The following ANKS1B variants were observed in gnomAD, a reference collection of about 807,000 sequenced individuals.
ANKS1B encodes ankyrin repeat and sterile alpha motif domain containing 1B, also known as ankyrin repeat and sterile alpha motif domain-containing protein 1B.
Under a neutral mutation model 148.3 loss-of-function variants are expected in ANKS1B, and 36 were observed. The observed-to-expected ratio is 0.24, with a 90% CI of 0.19 to 0.32. ANKS1B has a LOEUF of 0.32. ANKS1B is among the 10% of genes least tolerant of loss of function. The pLI is 1.00. For missense variants in ANKS1B, 1,157 were observed against 1,542.6 expected (o/e 0.75, Z 4.19); for synonymous variants, 542 against 560.8 (o/e 0.97, Z 0.47).
intron 8 of ANKS1B, among the ~76,000 whole-genome samples, chr12:99,723,580 C>T (rs1040948128): frequency 2.7e-4 from 41 of 152,204 alleles, no homozygotes; most frequent in African/African-American, 9.6e-4. Flanking sequence ...TCTGAGAAAT[C>T]TGGGCAGCCC....
chr12:99,971,114 G>A (rs827799), intron 1 of ANKS1B, among the ~76,000 whole-genome samples: 20,421 of 152,096 alleles, frequency 0.13, 1,789 homozygotes, highest in Non-Finnish European at 0.2. Context: ...TTGGCTCAAT[G>A]ATTAATGAGC....
At chr12:98,782,044 CA>C in intron 23 of ANKS1B, 81 bp downstream of exon 23, 8 of 1,184,968 alleles carry the variant, frequency 6.8e-6, no homozygotes, top group Non-Finnish European at 8.5e-6. Context: ...TATCATTCAT[CA>C]CCAGTCACCA....
intron 15 of ANKS1B, among the ~76,000 whole-genome samples, chr12:99,143,054 C>T (rs2071543970): frequency 6.6e-6 from 1 of 152,036 alleles, no homozygotes; most frequent in African/African-American, 2.4e-5. Context: ...TGTTTCTAGT[C>T]CTCAGATTTC....
intron 9 of ANKS1B, among the ~76,000 whole-genome samples, chr12:99,652,445 C>T (rs1208390157): frequency 1.3e-5 from 2 of 151,530 alleles, no homozygotes; most frequent in African/African-American, 4.9e-5. Context: ...TGCACTCCAG[C>T]CTGGGAAACA....
chr12:99,857,250 G>A (rs911138728), intron 1 of ANKS1B, among the ~76,000 whole-genome samples: 5 of 152,028 alleles, frequency 3.3e-5, no homozygotes, highest in African/African-American at 1.2e-4. Context: ...TTTCCAAGCT[G>A]AGAATCAAAT....
Position 99,396,703 on chromosome 12 carries a change from C to T in ANKS1B, c.1756+2928G>A, listed in dbSNP as rs1363406156. The stretch of plus-strand genomic sequence containing the variant: ...GGTCAGTTTCAGAGTGGAGAAAAGG[C>T]GCCAGGGCTTTGGGACTAGACCTAA... On this transcript the variant is annotated intron_variant, in intron 12 of 26. Transcript: ENST00000683438. 3.3e-5 allele frequency among the ~76,000 whole-genome samples: 5 copies of T among 152,010 alleles called. No individual in the cohort carries two copies. In the East Asian group the frequency reaches 7.7e-4, roughly 23 times the overall value.
chr12:99,316,982 ATG>A, intron 12 of ANKS1B, among the ~76,000 whole-genome samples: 1 of 152,134 alleles, frequency 6.6e-6, no homozygotes, highest in Non-Finnish European at 1.5e-5. Context: ...ATGGTTGTAG[ATG>A]TGTGGTGTTA....
intron 12 of ANKS1B, among the ~76,000 whole-genome samples, chr12:99,379,875 T>A (rs538606632): frequency 2.0e-5 from 3 of 152,256 alleles, no homozygotes; most frequent in African/African-American, 7.2e-5. Context: ...TAATTATGTG[T>A]TCTGAAAGTT....
At chr12:98,957,434 G>A (rs1034535233) in intron 17 of ANKS1B, among the ~76,000 whole-genome samples, 3 of 151,802 alleles carry the variant, frequency 2.0e-5, no homozygotes, top group East Asian at 1.9e-4. Flanking sequence ...TGCAAGCTCC[G>A]CCTCCTGGGT....
At chr12:99,858,469 T>C (rs113496765) in intron 1 of ANKS1B, among the ~76,000 whole-genome samples, 2 of 152,230 alleles carry the variant, frequency 1.3e-5, no homozygotes, top group Non-Finnish European at 2.9e-5. Context: ...AGTATGGAGA[T>C]TCCTTGAAGA....
intron 12 of ANKS1B, chr12:99,351,945 A>G (rs1167856149): frequency 6.6e-6 from 1 of 152,098 alleles, no homozygotes; most frequent in Admixed American, 6.6e-5. Context: ...GAAAGTTTAA[A>G]ATAATTTATT....
chr12:98,930,310 TG>T (rs950387459), intron 17 of ANKS1B, among the ~76,000 whole-genome samples: 2 of 152,134 alleles, frequency 1.3e-5, no homozygotes, highest in African/African-American at 4.8e-5. Context: ...GTGGAGAAAT[TG>T]TAACTCTCAT....
chr12:99,077,759 T>C (rs192725910), intron 16 of ANKS1B, among the ~76,000 whole-genome samples: 133 of 152,312 alleles, frequency 8.7e-4, no homozygotes, highest in African/African-American at 2.9e-3. Context: ...ATTATCTTCA[T>C]AGAATGTCTC....
intron 12 of ANKS1B, among the ~76,000 whole-genome samples, chr12:99,288,624 TAG>T (rs2079475868): frequency 6.6e-6 from 1 of 152,024 alleles, no homozygotes; most frequent in African/African-American, 2.4e-5. Context: ...TTAAAGTGTA[TAG>T]AGTTATTAGT....
intron 1 of ANKS1B, among the ~76,000 whole-genome samples, chr12:99,862,937 C>T (rs1228104041): frequency 4.6e-5 from 7 of 152,160 alleles, no homozygotes; most frequent in Admixed American, 2.6e-4. Flanking sequence ...CAAATGTCCC[C>T]AGGGAGCTCA....
At chr12:98,763,053 C>A (rs1031144986) in intron 25 of ANKS1B, among the ~76,000 whole-genome samples, 3 of 152,232 alleles carry the variant, frequency 2.0e-5, no homozygotes, top group Admixed American at 6.5e-5. Flanking sequence ...AAAAGCTAGA[C>A]AAGTGCAGAT....
chr12:99,867,747 C>T (rs979005718), intron 1 of ANKS1B, among the ~76,000 whole-genome samples: 1 of 152,316 alleles, frequency 6.6e-6, no homozygotes, highest in East Asian at 1.9e-4. Flanking sequence ...ACCAACATTA[C>T]ACCTACTCTT....
intron 19 of ANKS1B, among the ~76,000 whole-genome samples, chr12:98,824,799 C>T (rs2153673386): frequency 6.6e-6 from 1 of 152,318 alleles, no homozygotes. Flanking sequence ...TTCTGACACA[C>T]TGTGCAGGGT....
intron 26 of ANKS1B, among the ~76,000 whole-genome samples, chr12:98,748,746 A>AT (rs2097974668): frequency 6.6e-6 from 1 of 152,128 alleles, no homozygotes; most frequent in African/African-American, 2.4e-5. Context: ...TTCACTGTAT[A>AT]TTTTCCTATT....
Sources: gnomAD v4.1 joint callset for allele counts (sites outside exome capture counted in the v4.1 genomes callset) on GRCh38, gnomAD v4.1.1 for gene constraint, MANE v1.5 for transcripts, NCBI Gene and HGNC (gene_info 2026-07-23, HGNC 2026-07-21) for gene names.